The following GAK variants were observed in gnomAD, a reference collection of about 807,000 sequenced individuals.
The protein encoded by GAK is cyclin-G-associated kinase.
GAK carries 79 observed loss-of-function variants against 143.9 expected under a neutral mutation model. The ratio of observed to expected loss-of-function variants is 0.55; its 90% confidence interval spans 0.46 to 0.66. The LOEUF (loss-of-function observed/expected upper bound fraction) is 0.66, where lower values mean the gene tolerates loss of function less well. GAK is among the 30% of genes least tolerant of loss of function. GAK has a pLI of 0.00. For missense variants in GAK, 1,693 were observed against 1,779.7 expected, an observed-to-expected ratio of 0.95 and a Z score of 0.88; for synonymous variants, 881 against 765.5, an observed-to-expected ratio of 1.15 and a Z score of -2.49.
rs142093694 is a variant in GAK at position 893,217 on chromosome 4, C to G, written c.990+160G>C. Among the ~76,000 whole-genome samples the G allele has an allele frequency of 6.2e-4, 95 of 152,214 alleles. 1 individual carries two copies. The East Asian group carries it at 0.018, about 29-fold the overall frequency. On this transcript the variant is annotated intron_variant, in intron 9 of 27. Coordinates refer to ENST00000314167, the MANE Select transcript of GAK (RefSeq NM_005255.4). ...CTGGGGCTCACGTGTGCCTCCCTCC[C>G]CTCTGTGATAGGAGACTTAGGGTTC...
rs549158067 is a variant in GAK, at chr4:913,816, C to T, written c.146-148G>A. On this transcript the variant is annotated intron_variant, in intron 1 of 27. Coordinates refer to ENST00000314167, the MANE Select transcript of GAK (RefSeq NM_005255.4). ...AACATAATGGCCCCAGCGTACACGC[C>T]CCCCGCAAACACAGCCCCAGCATAC... The T allele has an allele frequency of 1.0e-3, 672 of 657,690 alleles. 2 individuals are homozygous for T. The highest frequency in any genetic ancestry group is 3.6e-3 in the South Asian group (213 of 58,792). The allele number at this position is 657,690 out of a possible 1,614,324, so 40.7% of individuals were successfully genotyped here. A position where few individuals can be genotyped will look rare whatever the true frequency, so the allele number is the denominator to read the frequency against.
chr4:889,884 C>T (rs1717304389), intron 10 of GAK, among the ~76,000 whole-genome samples: 1 of 152,180 alleles, frequency 6.6e-6, no homozygotes, highest in Admixed American at 6.5e-5. Context: ...AGCTGAGGGC[C>T]CTCCAGGGAC....
chr4:897,783 T>C (rs1354447231), intron 6 of GAK, among the ~76,000 whole-genome samples: 1 of 152,192 alleles, frequency 6.6e-6, no homozygotes, highest in Admixed American at 6.5e-5. Context: ...ACCCCGTCCC[T>C]ACCAAAAACA....
intron 11 of GAK, among the ~76,000 whole-genome samples, chr4:884,568 C>T (rs1225990168): frequency 6.6e-6 from 1 of 152,230 alleles, no homozygotes; most frequent in Admixed American, 6.5e-5. Flanking sequence ...GCCCCCTGCC[C>T]TGAGTGCCTA....
intron 24 of GAK, 113 bp from the exon 25 acceptor site, chr4:852,087 C>A (rs1748262755): frequency 2.1e-6 from 2 of 932,024 alleles, no homozygotes; most frequent in Non-Finnish European, 3.4e-6. Context: ...CAAAATAGAA[C>A]ACCGATCACT....
intron 1 of GAK, among the ~76,000 whole-genome samples, chr4:920,539 A>AATTTTTTTTTTTTTTTTTTTT (rs766096942): frequency 7.7e-6 from 1 of 129,592 alleles, no homozygotes; most frequent in South Asian, 2.5e-4. Context: ...GTTTAGAGCC[A>AATTTTTTTTTTTTTTTTTTTT]TTTTTTTTTT....
At chr4:881,372 TG>T in intron 15 of GAK, among the ~76,000 whole-genome samples, 1 of 152,186 alleles carries the variant, frequency 6.6e-6, no homozygotes, top group Non-Finnish European at 1.5e-5. Context: ...TCCTCGGGCG[TG>T]GACACCTGCA....
At chr4:913,910 C>A (rs1722486353) in intron 1 of GAK, 1 of 314,094 alleles carries the variant, frequency 3.2e-6, no homozygotes, top group Admixed American at 5.2e-5. Flanking sequence ...CGTGCACGGC[C>A]CCACACACAC....
rs755144524 is a variant in GAK at position 868,584 on chromosome 4, T to C, written c.2350A>G (p.Ser784Gly). The C allele has an allele frequency of 1.4e-5, 22 of 1,605,008 alleles. No individual in the cohort carries two copies. In the South Asian group the frequency reaches 2.2e-4, roughly 16 times the overall value. The change falls in exon 20 of 28, where the codon AGC (serine) becomes GGC (glycine). Residue 784 changes from serine (S) to glycine (G), a missense_variant. Physicochemically the swap from Ser to Gly is moderately conservative, Grantham distance 56. This residue lies in a region of GAK where 822 missense variants were observed against 788.7 expected (regional missense o/e 1.04). Coordinates refer to ENST00000314167, the MANE Select transcript of GAK (RefSeq NM_005255.4). ...EPTDSDSPPSSSADASRFLHT... is the reference protein window; with the variant it reads ...EPTDSDSPPSGSADASRFLHT... Reference sequence around the variant, plus strand: ...AGGAAGCGACTGGCGTCCGCGCTGCTGCTTGGCGGTGAGTCAGAGTCTGTG... The same window carrying C: ...AGGAAGCGACTGGCGTCCGCGCTGCCGCTTGGCGGTGAGTCAGAGTCTGTG...
chr4:859,321 C>A, intron 24 of GAK: 1 of 1,364,316 alleles, frequency 7.3e-7, no homozygotes, highest in Non-Finnish European at 9.7e-7. Flanking sequence ...CCCGCCTCCC[C>A]GATGGCCCCC....
At chr4:903,222 A>AG (rs1560403393) in intron 5 of GAK, among the ~76,000 whole-genome samples, 3 of 152,254 alleles carry the variant, frequency 2.0e-5, no homozygotes, top group Admixed American at 6.5e-5. Context: ...TGTGGTGGGC[A>AG]GGACGGCCCT....
chr4:859,079 G>C (rs1749798044), intron 24 of GAK: 6 of 788,356 alleles, frequency 7.6e-6, no homozygotes, highest in Non-Finnish European at 9.2e-6. Context: ...AGTGAACCCA[G>C]AGACCCAGGG....
intron 1 of GAK, among the ~76,000 whole-genome samples, chr4:922,284 G>T (rs1724034244): frequency 6.6e-6 from 1 of 152,110 alleles, no homozygotes; most frequent in African/African-American, 2.4e-5. Flanking sequence ...GGAGGCCGAG[G>T]CGGGCAGATC....
At chr4:883,961 TGACACACAACAGG>T in intron 12 of GAK, 63 bp downstream of exon 12, 1 of 1,376,490 alleles carries the variant, frequency 7.3e-7, no homozygotes, top group Non-Finnish European at 1.0e-6. Flanking sequence ...ACCTGTGCCC[TGACACACAACAGG>T]GACTCACTGG....
intron 1 of GAK, among the ~76,000 whole-genome samples, chr4:930,555 G>C (rs1725496112): frequency 6.7e-6 from 1 of 149,824 alleles, no homozygotes; most frequent in African/African-American, 2.5e-5. Context: ...CCACCCCTAA[G>C]GATCTGTCCC....
Position 877,803 on chromosome 4 carries a change from G to C in GAK, c.1668C>G (p.Ile556Met), listed in dbSNP as rs1398624350. 3.1e-6 allele frequency: 5 copies of C among 1,593,310 alleles called. No individual in the cohort carries two copies. The highest frequency in any genetic ancestry group is 3.4e-6 in the Non-Finnish European group (4 of 1,168,384). Residue 556 changes from isoleucine to methionine, a missense_variant, in exon 16 of 28, where the codon ATC (isoleucine) becomes ATG (methionine). Around this residue, in one of 2 missense-constraint regions of GAK, gnomAD observed 871 missense variants for 991.0 expected, o/e 0.88. Transcript: ENST00000314167. Reference sequence around the variant, plus strand: ...CCGCCACCATGTCACACATGTACTCGATGTACCTGGGGGCAGACGTGCCGC... The same window carrying C: ...CCGCCACCATGTCACACATGTACTCCATGTACCTGGGGGCAGACGTGCCGC... The part of the protein sequence containing the change: ...PGIWPSHKRY[I>M]EYMCDMVAEE...
At chr4:900,053 C>A (rs1181671553) in intron 5 of GAK, among the ~76,000 whole-genome samples, 1 of 152,264 alleles carries the variant, frequency 6.6e-6, no homozygotes, top group Non-Finnish European at 1.5e-5. Flanking sequence ...GACCCTGGCT[C>A]GGATGCAGAG....
At chr4:902,916 A>T (rs560729157) in intron 5 of GAK, among the ~76,000 whole-genome samples, 1 of 151,960 alleles carries the variant, frequency 6.6e-6, no homozygotes, top group South Asian at 2.1e-4. Flanking sequence ...CCGAATGACT[A>T]TAACAAACAT....
At position 910,013 on chromosome 4, in the gene GAK, G is replaced by A. The variant is rs113307883; in HGVS notation, c.382+1660C>T. Among the ~76,000 whole-genome samples, 202 of 152,188 alleles carry A rather than the reference G, an allele frequency of 1.3e-3. 4 individuals carry two copies. Among genetic ancestry groups the A allele is most frequent in the African/African-American group, 4.3e-3 (177 of 41,516 alleles). On this transcript the variant is annotated intron_variant, in intron 4 of 27. Transcript: ENST00000314167. ...CAGGACAACCCTGGCAACAGGCGCT[G>A]GAGGGCCGCAGAGGGGCCTGGGCCA...
Sources: allele counts gnomAD v4.1 joint callset (sites outside exome capture counted in the v4.1 genomes callset), GRCh38; gene constraint gnomAD v4.1.1; regional missense constraint gnomAD v4.1.1; transcripts MANE v1.5; gene names NCBI Gene and HGNC (gene_info 2026-07-23, HGNC 2026-07-21).